The following PALM2AKAP2 variants were observed in gnomAD, a reference collection of about 807,000 sequenced individuals.
PALM2AKAP2 encodes PALM2-AKAP2 fusion protein.
In PALM2AKAP2, 37 loss-of-function variants were observed where a neutral mutation model predicts 71.5. The observed-to-expected ratio is 0.52, with a 90% confidence interval of 0.40 to 0.68. The LOEUF is 0.68. Ranked by LOEUF, PALM2AKAP2 falls within the 30% of genes least tolerant of loss-of-function variation. PALM2AKAP2 has a pLI of 0.00. For missense variants in PALM2AKAP2, 1,224 were observed against 1,191.8 expected, an observed-to-expected ratio of 1.03 and a Z score of -0.40; for synonymous variants, 468 against 478.8, an observed-to-expected ratio of 0.98 and a Z score of 0.29.
chr9:109,891,705 G>A (rs1830093729), intron 3 of PALM2AKAP2, among the ~76,000 whole-genome samples: 1 of 152,160 alleles, frequency 6.6e-6, no homozygotes, highest in African/African-American at 2.4e-5. Context: ...TAGCCAGGCT[G>A]GCTTTGAACT....
chr9:109,897,048 A>G (rs186467494), intron 3 of PALM2AKAP2, among the ~76,000 whole-genome samples: 5 of 152,246 alleles, frequency 3.3e-5, no homozygotes, highest in Admixed American at 6.5e-5. Context: ...GGATTTTTCC[A>G]TAAAGTTTAA....
chr9:109,802,784 G>C (rs1827469169), intron 1 of PALM2AKAP2, among the ~76,000 whole-genome samples: 1 of 152,230 alleles, frequency 6.6e-6, no homozygotes, highest in South Asian at 2.1e-4. Context: ...ACCTGGCTGG[G>C]TGGTTACTTT....
intron 1 of PALM2AKAP2, among the ~76,000 whole-genome samples, chr9:109,681,739 C>T (rs1332679884): frequency 6.6e-6 from 1 of 152,148 alleles, no homozygotes; most frequent in African/African-American, 2.4e-5. Flanking sequence ...TCAAAAATAT[C>T]ACTGTTTCCT....
At chr9:109,994,757 C>A (rs569512934) in intron 6 of PALM2AKAP2, among the ~76,000 whole-genome samples, 1 of 152,242 alleles carries the variant, frequency 6.6e-6, no homozygotes, top group South Asian at 2.1e-4. Context: ...TGTCCCCCAA[C>A]ACTCATATTT....
At chr9:109,916,621 G>A (rs1217364602) in intron 3 of PALM2AKAP2, among the ~76,000 whole-genome samples, 1 of 152,198 alleles carries the variant, frequency 6.6e-6, no homozygotes, top group Non-Finnish European at 1.5e-5. Context: ...TTTTCTACCT[G>A]GTGAATGCAT....
intron 1 of PALM2AKAP2, among the ~76,000 whole-genome samples, chr9:109,824,317 C>T (rs10759371): frequency 0.16 from 24,046 of 152,202 alleles, 2,495 homozygotes; most frequent in East Asian, 0.34. Context: ...CTCTCAGTCC[C>T]CACCATAACA....
intron 7 of PALM2AKAP2, among the ~76,000 whole-genome samples, chr9:110,026,938 G>C (rs1441683080): frequency 1.3e-5 from 2 of 152,122 alleles, no homozygotes; most frequent in Non-Finnish European, 2.9e-5. Context: ...AGCCACTCTG[G>C]AGGCTGAGGC....
intron 1 of PALM2AKAP2, among the ~76,000 whole-genome samples, chr9:110,100,875 G>C (rs1372971748): frequency 1.3e-5 from 2 of 152,184 alleles, no homozygotes; most frequent in African/African-American, 4.8e-5. Context: ...ATTCTGGTCT[G>C]TGGATTCAGC....
chr9:109,750,942 A>G (rs1034631133), intron 1 of PALM2AKAP2, among the ~76,000 whole-genome samples: 11 of 152,194 alleles, frequency 7.2e-5, no homozygotes, highest in East Asian at 5.8e-4. Context: ...TTCTTTCCCA[A>G]TGAAGAAATA....
At chr9:109,724,251 A>G (rs1201939759) in intron 1 of PALM2AKAP2, among the ~76,000 whole-genome samples, 6 of 152,230 alleles carry the variant, frequency 3.9e-5, no homozygotes, top group African/African-American at 1.4e-4. Flanking sequence ...ACTTGACTAA[A>G]TAAAGGGAAA....
chr9:110,074,750 C>T (rs1834282262), intron 1 of PALM2AKAP2, among the ~76,000 whole-genome samples: 1 of 152,150 alleles, frequency 6.6e-6, no homozygotes, highest in African/African-American at 2.4e-5. Context: ...CGCCCGTAAT[C>T]CCAGCACATT....
At chr9:110,031,529 C>T (rs1833277281) in intron 7 of PALM2AKAP2, among the ~76,000 whole-genome samples, 1 of 152,036 alleles carries the variant, frequency 6.6e-6, no homozygotes. Context: ...TGAGAACTTC[C>T]CATGTGTCAG....
chr9:109,660,814 C>T lies in PALM2AKAP2; in HGVS notation c.5+19948C>T, dbSNP rs374945888. Among the ~76,000 whole-genome samples the T allele has an allele frequency of 1.1e-3, 166 of 152,278 alleles. 5 individuals carry two copies. The South Asian group carries it at 0.034, about 31-fold the overall frequency. On this transcript the variant is annotated intron_variant, in intron 1 of 6. Coordinates refer to the PALM2AKAP2 transcript ENST00000374531. ...TAAAAGCATTCCTATTTCTCCATAT[C>T]CTCTCCAGCATCTGTTGTTTCCTGA...
chr9:109,902,032 A>G (rs1205301067), intron 3 of PALM2AKAP2, among the ~76,000 whole-genome samples: 1 of 152,098 alleles, frequency 6.6e-6, no homozygotes, highest in Non-Finnish European at 1.5e-5. Context: ...ATCACAGATT[A>G]GGGTTTCTCT....
At chr9:109,811,763 G>A (rs931197732) in intron 1 of PALM2AKAP2, among the ~76,000 whole-genome samples, 3 of 152,058 alleles carry the variant, frequency 2.0e-5, no homozygotes, top group Non-Finnish European at 4.4e-5. Context: ...TTTAGAGACG[G>A]TGGCTTGCTA....
At chr9:110,109,041 G>A (rs150925168) in intron 1 of PALM2AKAP2, among the ~76,000 whole-genome samples, 209 of 152,158 alleles carry the variant, frequency 1.4e-3, no homozygotes, top group Non-Finnish European at 2.3e-3. Flanking sequence ...AAACCGGTCC[G>A]GCGCGGTGGC....
intron 6 of PALM2AKAP2, among the ~76,000 whole-genome samples, chr9:110,008,628 G>T (rs549376146): frequency 6.6e-6 from 1 of 152,170 alleles, no homozygotes; most frequent in African/African-American, 2.4e-5. Context: ...ATGAGGCTGG[G>T]CTAGGCTATG....
chr9:110,017,873 G>T (rs1833008786), intron 7 of PALM2AKAP2, among the ~76,000 whole-genome samples: 1 of 151,940 alleles, frequency 6.6e-6, no homozygotes. Context: ...GACTACAGGT[G>T]CTGGACACAA....
At chr9:109,766,585 G>A (rs543208445) in intron 1 of PALM2AKAP2, among the ~76,000 whole-genome samples, 2 of 152,304 alleles carry the variant, frequency 1.3e-5, no homozygotes, top group Admixed American at 1.3e-4. Flanking sequence ...TATTTATTGT[G>A]CATGGATTTC....
Sources: allele counts gnomAD v4.1 joint callset (sites outside exome capture counted in the v4.1 genomes callset), GRCh38; gene constraint gnomAD v4.1.1; transcripts MANE v1.5; gene names NCBI Gene and HGNC (gene_info 2026-07-23, HGNC 2026-07-21).